NEIL3: variants seen among roughly 807,000 people sequenced by gnomAD.
NEIL3 encodes endonuclease 8-like 3.
A neutral mutation model predicts 57.5 loss-of-function variants in NEIL3; 48 were observed. The observed-to-expected ratio is 0.83, with a 90% CI of 0.66 to 1.06. The LOEUF (loss-of-function observed/expected upper bound fraction) is 1.06. Among genes scored for constraint, NEIL3 ranks in the 50% least tolerant of loss-of-function variants. The pLI, the probability that NEIL3 is intolerant of heterozygous loss-of-function variation, is 0.00. For synonymous variants in NEIL3, 261 were observed against 253.2 expected, an observed-to-expected ratio of 1.03 and a Z score of -0.29; for missense variants, 717 against 739.1, an observed-to-expected ratio of 0.97 and a Z score of 0.35.
chr4:177,366,133 A>G (rs886491750), downstream of NEIL3, among the ~76,000 whole-genome samples: 2 of 152,252 alleles, frequency 1.3e-5, no homozygotes, highest in African/African-American at 4.8e-5. Context: ...AATTGCAAAT[A>G]TCTAAAGGAA....
intron 8 of NEIL3, among the ~76,000 whole-genome samples, chr4:177,359,235 T>C (rs1243901173): frequency 6.6e-6 from 1 of 152,216 alleles, no homozygotes; most frequent in Non-Finnish European, 1.5e-5. Flanking sequence ...GTGAAGTATT[T>C]AATGGTGACG....
At chr4:177,345,000 T>C (rs1327568162) in intron 6 of NEIL3, among the ~76,000 whole-genome samples, 3 of 152,240 alleles carry the variant, frequency 2.0e-5, no homozygotes, top group Admixed American at 2.0e-4. Flanking sequence ...ACTTTATTTA[T>C]TAGGGTCTGC....
At chr4:177,325,455 G>A (rs1407949964) in intron 2 of NEIL3, among the ~76,000 whole-genome samples, 1 of 152,018 alleles carries the variant, frequency 6.6e-6, no homozygotes, top group African/African-American at 2.4e-5. Context: ...ATCAGATGAT[G>A]GACATTTGGA....
chr4:177,327,796 GATC>G (rs1180582936), intron 2 of NEIL3, among the ~76,000 whole-genome samples: 1 of 152,060 alleles, frequency 6.6e-6, no homozygotes, highest in Admixed American at 6.6e-5. Context: ...CATCTATTGA[GATC>G]ATCATATTGC....
At chr4:177,318,672 C>T (rs1410137091) in intron 1 of NEIL3, among the ~76,000 whole-genome samples, 1 of 152,158 alleles carries the variant, frequency 6.6e-6, no homozygotes, top group Non-Finnish European at 1.5e-5. Context: ...AATTTCAATT[C>T]CTTGATGAAA....
At position 177,362,371 on chromosome 4, in the gene NEIL3, G is replaced by C. The variant is rs558411449; in HGVS notation, c.1718G>C (p.Gly573Ala). Residue 573 changes from glycine (G) to alanine (A), a missense_variant, in exon 10 of 10, where the codon GGA becomes GCA. Gly to Ala is a moderately conservative substitution (Grantham distance 60). Coordinates refer to ENST00000264596, the MANE Select transcript of NEIL3 (RefSeq NM_018248.3). Reference protein sequence around the residue: ...KTVLKIGPNNGKNFFVCPLGK... With the variant: ...KTVLKIGPNNAKNFFVCPLGK... ...GTATTGAAGATTGGACCTAACAATG[G>C]AAAGAATTTTTTTGTGTGTCCTCTT... is the stretch of plus-strand genomic sequence containing the variant. 6.2e-7 allele frequency: 1 copy of C among 1,613,520 alleles called. No homozygotes were observed. Among genetic ancestry groups the C allele is most frequent in the African/African-American group, 1.3e-5 (1 of 74,992 alleles).
intron 2 of NEIL3, among the ~76,000 whole-genome samples, chr4:177,333,550 A>G (rs1333129121): frequency 6.6e-6 from 1 of 152,220 alleles, no homozygotes; most frequent in Non-Finnish European, 1.5e-5. Context: ...AAACCTGAAG[A>G]GAATACAGGC....
chr4:177,358,301 GTTGTTTT>G (rs1190156817), intron 8 of NEIL3, among the ~76,000 whole-genome samples: 2 of 151,672 alleles, frequency 1.3e-5, no homozygotes, highest in African/African-American at 2.4e-5. Flanking sequence ...TGTTTTTGTT[GTTGTTTT>G]TTGTTTTTTG....
chr4:177,357,726 A>G (rs1209605176), intron 8 of NEIL3, among the ~76,000 whole-genome samples: 4 of 152,142 alleles, frequency 2.6e-5, no homozygotes, highest in Non-Finnish European at 5.9e-5. Flanking sequence ...AGCTTTATTT[A>G]CATTTGTTTA....
chr4:177,368,999 A>G, the NEIL3 span, among the ~76,000 whole-genome samples: 2 of 152,374 alleles, frequency 1.3e-5, no homozygotes, highest in South Asian at 2.1e-4. Flanking sequence ...TTCGTCTTTT[A>G]GAAAACAAAG....
intron 8 of NEIL3, 91 bp downstream of exon 8, chr4:177,353,819 G>A (rs1735416864): frequency 8.9e-7 from 1 of 1,122,794 alleles, no homozygotes; most frequent in Non-Finnish European, 1.3e-6. Context: ...AGGCTACAGT[G>A]CAGTGGTGTG....
chr4:177,360,443 T>A (rs1735584055), intron 8 of NEIL3, 60 bp from the exon 9 acceptor site: 1 of 1,193,344 alleles, frequency 8.4e-7, no homozygotes, highest in Admixed American at 2.3e-5. Context: ...GGGGGTAAAG[T>A]GGTGTGAATG....
chr4:177,343,244 A>G (rs1735136065), intron 6 of NEIL3: 1 of 152,232 alleles, frequency 6.6e-6, no homozygotes, highest in South Asian at 2.1e-4. Flanking sequence ...ACCCTGGAAT[A>G]TCCAGGAAGA....
intron 6 of NEIL3, among the ~76,000 whole-genome samples, chr4:177,346,642 G>T (rs548952788): frequency 7.9e-5 from 12 of 152,232 alleles, no homozygotes; most frequent in African/African-American, 2.9e-4. Flanking sequence ...CAGTGATGGC[G>T]AATACTACCA....
At chr4:177,358,323 T>C (rs1004533292) in intron 8 of NEIL3, among the ~76,000 whole-genome samples, 1 of 152,106 alleles carries the variant, frequency 6.6e-6, no homozygotes, top group Non-Finnish European at 1.5e-5. Context: ...TTTTTGTTTT[T>C]TTTGAGAAGG....
the NEIL3 span, among the ~76,000 whole-genome samples, chr4:177,370,952 C>T: frequency 6.6e-6 from 1 of 151,960 alleles, no homozygotes; most frequent in Non-Finnish European, 1.5e-5. Flanking sequence ...AAAAAAGATC[C>T]TCTGACTGCG....
At chr4:177,328,492 A>G (rs554385241) in intron 2 of NEIL3, among the ~76,000 whole-genome samples, 2 of 152,364 alleles carry the variant, frequency 1.3e-5, no homozygotes, top group South Asian at 4.1e-4. Context: ...AAGCTAAGAA[A>G]TACATTTACA....
chr4:177,345,978 A>G (rs754082731), intron 6 of NEIL3, among the ~76,000 whole-genome samples: 1 of 152,092 alleles, frequency 6.6e-6, no homozygotes, highest in African/African-American at 2.4e-5. Flanking sequence ...GGCATGAACC[A>G]CCACACCAGC....
intron 6 of NEIL3, among the ~76,000 whole-genome samples, chr4:177,344,706 T>C (rs1349818018): frequency 6.6e-6 from 1 of 151,902 alleles, no homozygotes; most frequent in East Asian, 1.9e-4. Flanking sequence ...GGATTACAGG[T>C]ACCCACCACC....
Sources: gnomAD v4.1 joint callset for allele counts (sites outside exome capture counted in the v4.1 genomes callset) on GRCh38, gnomAD v4.1.1 for gene constraint, MANE v1.5 for transcripts, NCBI Gene and HGNC (gene_info 2026-07-23, HGNC 2026-07-21) for gene names.